FHIT: variants seen among roughly 807,000 people sequenced by gnomAD.
The protein encoded by FHIT is bis(5'-adenosyl)-triphosphatase.
In FHIT, 19 loss-of-function variants were observed where a neutral mutation model predicts 17.9. The observed-to-expected ratio is 1.06, with a 90% CI of 0.74 to 1.56. The LOEUF (loss-of-function observed/expected upper bound fraction) is 1.56, where lower values mean the gene tolerates loss of function less well. Among genes scored for constraint, FHIT ranks in the 40% most tolerant of loss-of-function variants. The pLI, the probability that FHIT is intolerant of heterozygous loss-of-function variation, is 0.00. For synonymous variants in FHIT, 81 were observed against 69.7 expected, an observed-to-expected ratio of 1.16 and a Z score of -0.81; for missense variants, 248 against 189.2, an observed-to-expected ratio of 1.31 and a Z score of -1.82.
intron 4 of FHIT, among the ~76,000 whole-genome samples, chr3:60,681,518 C>T (rs1010862707): frequency 4.6e-5 from 7 of 152,094 alleles, no homozygotes; most frequent in African/African-American, 1.7e-4. Context: ...TTAAGCTTGG[C>T]GAGGAAGGCA....
intron 4 of FHIT, among the ~76,000 whole-genome samples, chr3:60,577,120 C>G (rs1224184910): frequency 2.0e-5 from 3 of 152,030 alleles, no homozygotes; most frequent in Non-Finnish European, 4.4e-5. Flanking sequence ...ATATAACACC[C>G]CTCATTGATC....
chr3:59,951,510 T>C (rs1180002292), intron 7 of FHIT, among the ~76,000 whole-genome samples: 2 of 152,202 alleles, frequency 1.3e-5, no homozygotes, highest in African/African-American at 2.4e-5. Flanking sequence ...TGAAGGACTC[T>C]GACATCAGTT....
intron 5 of FHIT, among the ~76,000 whole-genome samples, chr3:60,406,889 TAA>T (rs1701881797): frequency 6.6e-6 from 1 of 152,054 alleles, no homozygotes; most frequent in African/African-American, 2.4e-5. Context: ...TTGACTAAAA[TAA>T]ACAGAAGACT....
chr3:60,901,722 CT>C (rs558702301), intron 3 of FHIT, among the ~76,000 whole-genome samples: 212 of 151,600 alleles, frequency 1.4e-3, no homozygotes, highest in Middle Eastern at 3.4e-3. Flanking sequence ...TAGCTAGGTA[CT>C]TTTTTTTTCT....
chr3:60,218,683 G>A (rs1047581093), intron 5 of FHIT, among the ~76,000 whole-genome samples: 1 of 152,018 alleles, frequency 6.6e-6, no homozygotes, highest in Non-Finnish European at 1.5e-5. Context: ...TTACAGTCAT[G>A]ATGACTGTGA....
chr3:60,200,257 T>A (rs894880755), intron 5 of FHIT, among the ~76,000 whole-genome samples: 1 of 152,138 alleles, frequency 6.6e-6, no homozygotes, highest in South Asian at 2.1e-4. Flanking sequence ...AGGACTGGGA[T>A]AATCAATTTC....
intron 5 of FHIT, among the ~76,000 whole-genome samples, chr3:60,437,890 G>C (rs2030418194): frequency 6.6e-6 from 1 of 151,860 alleles, no homozygotes; most frequent in Admixed American, 6.6e-5. Flanking sequence ...CTAGTCACTT[G>C]AATTAATAGA....
In FHIT at chr3:60,635,081, A is replaced by T. The variant is rs553646451; in HGVS notation, c.-17-98102T>A. On this transcript the variant is annotated intron_variant, in intron 4 of 9. Transcript: ENST00000492590. ...AAATGTTTCCAATTAGCACCCTAAGAGCAGGATAATTTTGGAATACTGCAG... is the reference window on the plus strand; with the variant it reads ...AAATGTTTCCAATTAGCACCCTAAGTGCAGGATAATTTTGGAATACTGCAG... Among the ~76,000 whole-genome samples, 9 of 140,354 alleles carry T rather than the reference A, an allele frequency of 6.4e-5. No homozygotes were observed. The South Asian group carries it at 2.0e-3, about 31-fold the overall frequency. The allele number at this position is 140,354 out of a possible 152,430, so 92.1% of individuals were successfully genotyped here.
intron 2 of FHIT, among the ~76,000 whole-genome samples, chr3:61,158,312 A>G (rs541584594): frequency 2.6e-5 from 4 of 152,234 alleles, no homozygotes; most frequent in Non-Finnish European, 5.9e-5. Context: ...CAATACGTCT[A>G]GCAAGGCACA....
At chr3:60,370,061 G>A (rs116069872) in intron 5 of FHIT, among the ~76,000 whole-genome samples, 162 of 152,216 alleles carry the variant, frequency 1.1e-3, no homozygotes, top group Non-Finnish European at 1.8e-3. Context: ...TACATGATTC[G>A]CTGCCTATGT....
chr3:60,170,012 T>C (rs912047055), intron 5 of FHIT, among the ~76,000 whole-genome samples: 10 of 152,170 alleles, frequency 6.6e-5, no homozygotes, highest in African/African-American at 2.2e-4. Context: ...TTCCTCCTGA[T>C]TTTCCTTTGG....
intron 3 of FHIT, among the ~76,000 whole-genome samples, chr3:60,991,671 A>G (rs1378622456): frequency 6.6e-6 from 1 of 152,194 alleles, no homozygotes; most frequent in Non-Finnish European, 1.5e-5. Context: ...AACTTACTAA[A>G]GTCTTCACGT....
chr3:60,384,354 CA>C (rs1480679179), intron 5 of FHIT, among the ~76,000 whole-genome samples: 1 of 151,522 alleles, frequency 6.6e-6, no homozygotes, highest in Non-Finnish European at 1.5e-5. Context: ...AGTTTCACAA[CA>C]GAGATGATGA....
chr3:61,238,689 T>A (rs996571412), intron 1 of FHIT, among the ~76,000 whole-genome samples: 6 of 152,352 alleles, frequency 3.9e-5, no homozygotes, highest in African/African-American at 1.4e-4. Flanking sequence ...GTAGACTAGA[T>A]GAATCCAACC....
chr3:60,575,026 A>T (rs1559552102), intron 4 of FHIT, among the ~76,000 whole-genome samples: 1 of 152,182 alleles, frequency 6.6e-6, no homozygotes, highest in East Asian at 1.9e-4. Flanking sequence ...ATGATAGGCA[A>T]AAGTGGAGTA....
At chr3:60,279,245 AAAT>A (rs1409711443) in intron 5 of FHIT, among the ~76,000 whole-genome samples, 9 of 152,136 alleles carry the variant, frequency 5.9e-5, no homozygotes, top group African/African-American at 2.2e-4. Flanking sequence ...GATGATAAAG[AAAT>A]ATGATGAACA....
At chr3:61,120,571 G>A (rs13326701) in intron 2 of FHIT, among the ~76,000 whole-genome samples, 7,458 of 152,118 alleles carry the variant, frequency 0.049, 612 homozygotes, top group African/African-American at 0.17. Context: ...GACTTTTCTC[G>A]TTTACAGAAA....
chr3:60,407,867 G>A (rs1301022019), intron 5 of FHIT, among the ~76,000 whole-genome samples: 3 of 152,034 alleles, frequency 2.0e-5, no homozygotes, highest in Non-Finnish European at 4.4e-5. Context: ...TTTCAAATAG[G>A]AGCCCCTACA....
intron 5 of FHIT, among the ~76,000 whole-genome samples, chr3:60,179,966 T>G (rs907275381): frequency 6.6e-6 from 1 of 152,184 alleles, no homozygotes; most frequent in African/African-American, 2.4e-5. Flanking sequence ...TCTGAGGAAT[T>G]AGAGCCCAAC....
Sources: gnomAD v4.1 joint callset for allele counts (sites outside exome capture counted in the v4.1 genomes callset) on GRCh38, gnomAD v4.1.1 for gene constraint, MANE v1.5 for transcripts, NCBI Gene and HGNC (gene_info 2026-07-23, HGNC 2026-07-21) for gene names.